SPIDR: variants seen among roughly 807,000 people sequenced by gnomAD.
SPIDR encodes DNA repair-scaffolding protein.
A neutral mutation model predicts 104.6 loss-of-function variants in SPIDR; 93 were observed. The ratio of observed to expected loss-of-function variants is 0.89; its 90% CI spans 0.75 to 1.06. SPIDR has a LOEUF of 1.06. Ranked by LOEUF, SPIDR falls within the 50% of genes least tolerant of loss-of-function variation. SPIDR has a pLI of 0.00. For synonymous variants in SPIDR, 431 were observed against 416.9 expected (o/e 1.03, Z -0.41); for missense variants, 1,154 against 1,111.2 (o/e 1.04, Z -0.55).
chr8:47,451,168 A>C (rs1554705733), intron 8 of SPIDR, among the ~76,000 whole-genome samples: 1 of 152,220 alleles, frequency 6.6e-6, no homozygotes, highest in Admixed American at 6.5e-5. Flanking sequence ...TAGATAAATA[A>C]CTAAGGGAAA....
chr8:47,317,172 G>C (rs905813026), intron 5 of SPIDR, among the ~76,000 whole-genome samples: 1 of 152,192 alleles, frequency 6.6e-6, no homozygotes, highest in Non-Finnish European at 1.5e-5. Context: ...CACCCAGGAA[G>C]CGCAAGGGGT....
chr8:47,438,379 T>G (rs2068761893), intron 7 of SPIDR, among the ~76,000 whole-genome samples: 1 of 152,232 alleles, frequency 6.6e-6, no homozygotes, highest in Non-Finnish European at 1.5e-5. Flanking sequence ...CTCCTCAATC[T>G]AGGGCTTTTC....
At chr8:47,568,036 A>C (rs1290391444) in intron 8 of SPIDR, among the ~76,000 whole-genome samples, 2 of 152,028 alleles carry the variant, frequency 1.3e-5, no homozygotes, top group African/African-American at 2.4e-5. Context: ...CCAGCCTCCC[A>C]GAGTTCTGGG....
At chr8:47,626,416 C>T (rs1283508627) in intron 10 of SPIDR, among the ~76,000 whole-genome samples, 2 of 152,172 alleles carry the variant, frequency 1.3e-5, no homozygotes, top group African/African-American at 2.4e-5. Flanking sequence ...AGAGCTTCTG[C>T]ACAGCAAAAG....
intron 8 of SPIDR, among the ~76,000 whole-genome samples, chr8:47,548,185 TG>T (rs1292014852): frequency 6.6e-6 from 1 of 152,212 alleles, no homozygotes; most frequent in East Asian, 1.9e-4. Context: ...AAGTAGCTTT[TG>T]CCTTAAACTA....
intron 8 of SPIDR, among the ~76,000 whole-genome samples, chr8:47,521,089 A>G (rs116141132): frequency 9.1e-4 from 139 of 152,208 alleles, no homozygotes; most frequent in African/African-American, 3.3e-3. Flanking sequence ...ACGTCTGTCA[A>G]TAGAGAGGCT....
intron 5 of SPIDR, among the ~76,000 whole-genome samples, chr8:47,390,578 C>A (rs1226269611): frequency 6.8e-6 from 1 of 148,006 alleles, no homozygotes; most frequent in Non-Finnish European, 1.5e-5. Context: ...TAGGACATAT[C>A]AACCATACCA....
chr8:47,406,520 A>C (rs1588286663), intron 6 of SPIDR, among the ~76,000 whole-genome samples: 1 of 152,210 alleles, frequency 6.6e-6, no homozygotes, highest in Non-Finnish European at 1.5e-5. Flanking sequence ...TGAGCATAAG[A>C]GGTTTTAACT....
At position 47,601,536 on chromosome 8, in the gene SPIDR, A is replaced by C. The variant is rs185578572; in HGVS notation, c.1544+2340A>C. Reference sequence around the variant, plus strand: ...TGGTGAAACCCCGTCTCTACTAAAAATACGAAAATTAGTTGGGCATGGTGG... The same window carrying C: ...TGGTGAAACCCCGTCTCTACTAAAACTACGAAAATTAGTTGGGCATGGTGG... On this transcript the variant is annotated intron_variant, in intron 10 of 19. Coordinates refer to ENST00000297423, the MANE Select transcript of SPIDR (RefSeq NM_001080394.4). Among the ~76,000 whole-genome samples, 168 of 152,326 alleles carry C rather than the reference A, an allele frequency of 1.1e-3. 1 individual carries two copies. The highest frequency in any genetic ancestry group is 0.01 in the Middle Eastern group (3 of 294).
intron 5 of SPIDR, among the ~76,000 whole-genome samples, chr8:47,376,181 A>G (rs1383032989): frequency 6.6e-6 from 1 of 152,210 alleles, no homozygotes; most frequent in Non-Finnish European, 1.5e-5. Flanking sequence ...CAGGAATTGA[A>G]GAGCAAAAAG....
chr8:47,441,556 A>C (rs1398940654), intron 8 of SPIDR, among the ~76,000 whole-genome samples: 1 of 151,010 alleles, frequency 6.6e-6, no homozygotes, highest in African/African-American at 2.4e-5. Context: ...CATTGCAGTT[A>C]GTTCGTTCCC....
At chr8:47,340,229 T>C (rs556461312) in intron 5 of SPIDR, among the ~76,000 whole-genome samples, 55 of 152,292 alleles carry the variant, frequency 3.6e-4, no homozygotes, top group Non-Finnish European at 6.0e-4. Flanking sequence ...TTGTCCTTTA[T>C]GGCTACGAGT....
rs202005925 is a variant in SPIDR, at chr8:47,729,026, G to A, written c.2529G>A (p.Pro843=). Residue 843 remains proline (P), a synonymous_variant, in exon 18 of 20, where the codon CCG becomes CCA. Coordinates refer to ENST00000297423, the MANE Select transcript of SPIDR (RefSeq NM_001080394.4). ...LQVFLDCRSR[P]QCRVKVKLLQ... Reference sequence around the variant, plus strand: ...TCTTCCTGGACTGCCGCTCAAGACCGCAGTGCAGAGTGAAGGTCAAGGTAG... The same window carrying A: ...TCTTCCTGGACTGCCGCTCAAGACCACAGTGCAGAGTGAAGGTCAAGGTAG... The A allele has an allele frequency of 3.3e-5, 53 of 1,613,880 alleles. No homozygotes were observed. The highest frequency in any genetic ancestry group is 3.9e-5 in the Non-Finnish European group (46 of 1,180,036).
At chr8:47,324,918 CCT>C (rs1488114272) in intron 5 of SPIDR, among the ~76,000 whole-genome samples, 4 of 152,198 alleles carry the variant, frequency 2.6e-5, no homozygotes, top group Admixed American at 2.0e-4. Context: ...TCTCCTGAGG[CCT>C]CTCTCTGTGG....
At chr8:47,418,532 G>C (rs2064800671) in intron 7 of SPIDR, among the ~76,000 whole-genome samples, 1 of 152,170 alleles carries the variant, frequency 6.6e-6, no homozygotes, top group South Asian at 2.1e-4. Flanking sequence ...GAGACGATGG[G>C]TTTTTCTAGA....
At chr8:47,298,367 T>A (rs1253757380) in intron 5 of SPIDR, among the ~76,000 whole-genome samples, 2 of 152,218 alleles carry the variant, frequency 1.3e-5, no homozygotes, top group Non-Finnish European at 2.9e-5. Flanking sequence ...CTTTGTCAGA[T>A]GAGTAGATTG....
At chr8:47,596,301 T>G (rs2061609545) in intron 9 of SPIDR, among the ~76,000 whole-genome samples, 1 of 152,204 alleles carries the variant, frequency 6.6e-6, no homozygotes. Context: ...CTGAGAAATT[T>G]GTCATTAGGT....
At position 47,564,178 on chromosome 8, in the gene SPIDR, A is replaced by G. The variant is rs981721840; in HGVS notation, c.1098-31633A>G. Among the ~76,000 whole-genome samples, 5 of 146,006 alleles carry G rather than the reference A, an allele frequency of 3.4e-5. No homozygotes were observed. In the East Asian group the frequency reaches 1.0e-3, roughly 30 times the overall value. On this transcript the variant is annotated intron_variant, in intron 8 of 19. Coordinates refer to ENST00000297423, the MANE Select transcript of SPIDR (RefSeq NM_001080394.4). ...ACTGCAACCTCCACCTCCCGGGTTCAAGCGACTCTCCTTCCTCAGCCTCCC... is the reference window on the plus strand; with the variant it reads ...ACTGCAACCTCCACCTCCCGGGTTCGAGCGACTCTCCTTCCTCAGCCTCCC...
intron 8 of SPIDR, among the ~76,000 whole-genome samples, chr8:47,506,751 G>A (rs1389325118): frequency 6.6e-6 from 1 of 152,178 alleles, no homozygotes; most frequent in African/African-American, 2.4e-5. Flanking sequence ...AGACAGTGAA[G>A]ACAAAACCAA....
Sources: allele counts gnomAD v4.1 joint callset (sites outside exome capture counted in the v4.1 genomes callset), GRCh38; gene constraint gnomAD v4.1.1; transcripts MANE v1.5; gene names NCBI Gene and HGNC (gene_info 2026-07-23, HGNC 2026-07-21).